NPAS3: variants seen among roughly 807,000 people sequenced by gnomAD.
The protein encoded by NPAS3 is neuronal PAS domain-containing protein 3.
NPAS3 carries 14 observed loss-of-function variants against 73.1 expected under a neutral mutation model. That is an observed-to-expected ratio of 0.19 (90% CI 0.13 to 0.30). The LOEUF is 0.30. NPAS3 is among the 10% of genes least tolerant of loss of function. The pLI, the probability that NPAS3 is intolerant of heterozygous loss-of-function variation, is 1.00. For missense variants in NPAS3, 1,096 were observed against 1,250.0 expected (o/e 0.88, Z 1.86); for synonymous variants, 620 against 541.5 (o/e 1.14, Z -2.01).
At chr14:33,501,982 A>G (rs960523057) in intron 4 of NPAS3, among the ~76,000 whole-genome samples, 2 of 151,932 alleles carry the variant, frequency 1.3e-5, no homozygotes, top group African/African-American at 4.8e-5. Context: ...GAGCTCAAGT[A>G]TCATTATTTC....
intron 6 of NPAS3, among the ~76,000 whole-genome samples, chr14:33,696,818 A>G (rs1211279667): frequency 6.6e-6 from 1 of 152,182 alleles, no homozygotes; most frequent in Non-Finnish European, 1.5e-5. Flanking sequence ...TGACTTCATG[A>G]TGATTTGTTC....
chr14:33,766,867 A>G (rs971591631), intron 7 of NPAS3, among the ~76,000 whole-genome samples: 1 of 152,170 alleles, frequency 6.6e-6, no homozygotes, highest in Non-Finnish European at 1.5e-5. Flanking sequence ...TTGTGAAGTC[A>G]GCTTTTCCCT....
chr14:33,069,740 A>G (rs1490946844), intron 2 of NPAS3, among the ~76,000 whole-genome samples: 1 of 152,218 alleles, frequency 6.6e-6, no homozygotes, highest in Non-Finnish European at 1.5e-5. Context: ...TCAACTACTA[A>G]CTCAAAAAAG....
chr14:33,779,876 G>A (rs146359547), intron 9 of NPAS3, among the ~76,000 whole-genome samples: 52 of 152,354 alleles, frequency 3.4e-4, no homozygotes, highest in Non-Finnish European at 6.5e-4. Context: ...ACAGCCTAAA[G>A]TTGAAGCATT....
intron 4 of NPAS3, among the ~76,000 whole-genome samples, chr14:33,456,642 CAT>C (rs2050036164): frequency 6.6e-6 from 1 of 152,138 alleles, no homozygotes; most frequent in Non-Finnish European, 1.5e-5. Flanking sequence ...TATAACGACT[CAT>C]ATATTAGACA....
intron 2 of NPAS3, among the ~76,000 whole-genome samples, chr14:33,065,589 T>A (rs1359284650): frequency 1.3e-5 from 2 of 152,086 alleles, no homozygotes; most frequent in Non-Finnish European, 2.9e-5. Context: ...AATTTGAGAA[T>A]TCTTTGGAAT....
chr14:33,575,185 TTTAACATAGCTTG>T (rs956276648), intron 5 of NPAS3, among the ~76,000 whole-genome samples: 2 of 152,230 alleles, frequency 1.3e-5, no homozygotes, highest in African/African-American at 4.8e-5. Flanking sequence ...ACTTTTACCA[TTTAACATAGCTTG>T]TTAACCACTG....
intron 4 of NPAS3, among the ~76,000 whole-genome samples, chr14:33,417,407 A>G (rs534162438): frequency 2.0e-5 from 3 of 152,160 alleles, no homozygotes; most frequent in African/African-American, 7.2e-5. Context: ...CTGTTCCCTC[A>G]GAATTTGATG....
intron 2 of NPAS3, among the ~76,000 whole-genome samples, chr14:33,120,604 G>A (rs761134945): frequency 1.3e-5 from 2 of 152,080 alleles, no homozygotes; most frequent in African/African-American, 2.4e-5. Context: ...ATAATGACAC[G>A]CTACTCAAAG....
At chr14:33,271,733 A>T (rs149477653) in intron 3 of NPAS3, among the ~76,000 whole-genome samples, 38 of 152,274 alleles carry the variant, frequency 2.5e-4, no homozygotes, top group Non-Finnish European at 4.0e-4. Context: ...GCATAATTAA[A>T]TTAGCACTTT....
At chr14:33,341,887 T>C (rs1000400966) in intron 3 of NPAS3, among the ~76,000 whole-genome samples, 3 of 152,210 alleles carry the variant, frequency 2.0e-5, no homozygotes, top group African/African-American at 7.2e-5. Flanking sequence ...TCAGAATCAT[T>C]CTAAGTAAGG....
intron 2 of NPAS3, among the ~76,000 whole-genome samples, chr14:33,186,274 G>A (rs2045972572): frequency 6.6e-6 from 1 of 152,188 alleles, no homozygotes; most frequent in South Asian, 2.1e-4. Context: ...TTGGAGACCT[G>A]TTTGGTTGAA....
chr14:32,946,620 C>T (rs561349855), intron 1 of NPAS3, among the ~76,000 whole-genome samples: 1 of 152,140 alleles, frequency 6.6e-6, no homozygotes, highest in South Asian at 2.1e-4. Context: ...TAAATAGCTT[C>T]TTTAAAAATA....
intron 2 of NPAS3, among the ~76,000 whole-genome samples, chr14:33,149,185 T>C (rs1173100589): frequency 6.6e-6 from 1 of 152,094 alleles, no homozygotes; most frequent in Non-Finnish European, 1.5e-5. Context: ...TTTTTATCCA[T>C]CAATATAGGA....
At chr14:33,358,031 G>A (rs2045417893) in intron 3 of NPAS3, among the ~76,000 whole-genome samples, 1 of 152,110 alleles carries the variant, frequency 6.6e-6, no homozygotes, top group Non-Finnish European at 1.5e-5. Context: ...CCCTCCCATT[G>A]AGCTCCTTCT....
intron 6 of NPAS3, among the ~76,000 whole-genome samples, chr14:33,718,928 C>A (rs1305529148): frequency 2.0e-5 from 3 of 152,048 alleles, no homozygotes; most frequent in Non-Finnish European, 4.4e-5. Context: ...GAGTTCAAGA[C>A]CAGCCCTGGG....
intron 4 of NPAS3, among the ~76,000 whole-genome samples, chr14:33,473,218 C>T (rs992170592): frequency 2.0e-5 from 3 of 152,090 alleles, no homozygotes; most frequent in African/African-American, 7.2e-5. Context: ...ATGACTGGAA[C>T]GTGCATCAGA....
intron 4 of NPAS3, among the ~76,000 whole-genome samples, chr14:33,374,251 A>G (rs1349372825): frequency 1.3e-5 from 2 of 152,184 alleles, no homozygotes; most frequent in African/African-American, 2.4e-5. Context: ...GGGTAGAATT[A>G]TGCCTCAAAT....
intron 4 of NPAS3, among the ~76,000 whole-genome samples, chr14:33,423,756 T>A (rs10483446): frequency 6.6e-6 from 1 of 151,770 alleles, no homozygotes; most frequent in Non-Finnish European, 1.5e-5. Context: ...GTGTTGTAAG[T>A]GTTCAGAGAA....
Sources: gnomAD v4.1 joint callset for allele counts (sites outside exome capture counted in the v4.1 genomes callset) on GRCh38, gnomAD v4.1.1 for gene constraint, MANE v1.5 for transcripts, NCBI Gene and HGNC (gene_info 2026-07-23, HGNC 2026-07-21) for gene names.